Variants in SLC5A10 observed in about 807,000 individuals in gnomAD.
SLC5A10 encodes solute carrier family 5 member 10, also known as sodium/mannose cotransporter SLC5A10.
A neutral mutation model predicts 68.9 loss-of-function variants in SLC5A10; 55 were observed. The ratio of observed to expected loss-of-function variants is 0.80; its 90% CI spans 0.64 to 1.00. The LOEUF (loss-of-function observed/expected upper bound fraction) is 1.00. Among genes scored for constraint, SLC5A10 ranks in the 50% least tolerant of loss-of-function variants. The pLI, the probability that SLC5A10 is intolerant of heterozygous loss-of-function variation, is 0.00. For missense variants in SLC5A10, 732 were observed against 819.3 expected, an observed-to-expected ratio of 0.89 and a Z score of 1.30; for synonymous variants, 344 against 344.8, an observed-to-expected ratio of 1.00 and a Z score of 0.02.
chr17:18,999,349 G>A (rs967653074), intron 9 of SLC5A10, among the ~76,000 whole-genome samples: 1 of 152,146 alleles, frequency 6.6e-6, no homozygotes, highest in African/African-American at 2.4e-5. Context: ...AGGCTCTGGT[G>A]CTCCCATGCA....
In SLC5A10 at chr17:18,993,327, C is replaced by T. The variant is rs556597059; in HGVS notation, c.982+16338C>T. Among the ~76,000 whole-genome samples, 8 of 152,326 alleles carry T rather than the reference C, an allele frequency of 5.3e-5. No homozygotes were observed. In the East Asian group the frequency reaches 1.5e-3, roughly 29 times the overall value. ...CCCAACTCCAGTGCAGCCCCAGCCT[C>T]CCCTGTCGTCACTCTGGCCTGTCTG... On this transcript the variant is annotated intron_variant, in intron 9 of 14. Transcript: ENST00000395645.
At chr17:18,967,701 C>T (rs913247803) in intron 5 of SLC5A10, among the ~76,000 whole-genome samples, 1 of 152,240 alleles carries the variant, frequency 6.6e-6, no homozygotes, top group African/African-American at 2.4e-5. Flanking sequence ...CTTCCCTCTC[C>T]TGGTAACTCC....
intron 9 of SLC5A10, among the ~76,000 whole-genome samples, chr17:18,992,285 C>T (rs567406755): frequency 1.3e-5 from 2 of 152,154 alleles, no homozygotes; most frequent in Non-Finnish European, 2.9e-5. Flanking sequence ...GGACATCCGC[C>T]TCCATGTGAG....
intron 9 of SLC5A10, chr17:18,977,570 GGA>G (rs1447409636): frequency 6.2e-7 from 1 of 1,603,552 alleles, no homozygotes; most frequent in Non-Finnish European, 8.5e-7. Flanking sequence ...TGGTGTGCAG[GGA>G]CCCTGACCCA....
intron 5 of SLC5A10, among the ~76,000 whole-genome samples, chr17:18,964,364 G>T (rs1037197024): frequency 2.0e-5 from 3 of 152,128 alleles, no homozygotes; most frequent in African/African-American, 7.2e-5. Flanking sequence ...CCTGGGGCCC[G>T]AAAGTGCCTG....
At chr17:18,999,885 C>T (rs116045068) in intron 9 of SLC5A10, among the ~76,000 whole-genome samples, 246 of 152,354 alleles carry the variant, frequency 1.6e-3, no homozygotes, top group African/African-American at 5.6e-3. Context: ...TGTCCCTGCC[C>T]TGGGGCCTCA....
Position 19,017,209 on chromosome 17 carries a change from G to C in SLC5A10, c.1241+2010G>C. ...TCTCTGGGCCCCAGTTCTCTCAGCT[G>C]CCAGCTGGATAGAGCAGAAAGGGCC... On this transcript the variant is annotated intron_variant, in intron 11 of 14. Transcript: ENST00000395645. This position sits in a 1 kb window ranked among gnomAD's most constrained non-coding sequence, Gnocchi z 5.6. The C allele has an allele frequency of 7.4e-7, 1 of 1,351,662 alleles. No individual in the cohort carries two copies. The highest frequency in any genetic ancestry group is 1.0e-6 in the Non-Finnish European group (1 of 970,406). The allele number at this position is 1,351,662 out of a possible 1,614,324, so 83.7% of individuals were successfully genotyped here. A position where few individuals can be genotyped will look rare whatever the true frequency, so the allele number is the denominator to read the frequency against.
intron 9 of SLC5A10, chr17:18,988,516 A>G: frequency 6.5e-7 from 1 of 1,547,552 alleles, no homozygotes; most frequent in South Asian, 1.2e-5. Flanking sequence ...AGCCTCTCAC[A>G]GGTGCCCACT....
intron 1 of SLC5A10, 77 bp downstream of exon 1, chr17:18,952,393 G>A (rs1027021710): frequency 6.6e-7 from 1 of 1,509,690 alleles, no homozygotes; most frequent in African/African-American, 1.4e-5. Context: ...GGTCCAGCAT[G>A]TCCCTGTGGT....
At chr17:19,009,543 T>G (rs2043970511) in intron 9 of SLC5A10, among the ~76,000 whole-genome samples, 1 of 152,204 alleles carries the variant, frequency 6.6e-6, no homozygotes, top group Non-Finnish European at 1.5e-5. Flanking sequence ...TGTACTCAGG[T>G]CTGGGAGCCT....
At chr17:18,970,504 C>T (rs2042815346) in intron 7 of SLC5A10, 1 of 172,664 alleles carries the variant, frequency 5.8e-6, no homozygotes, top group South Asian at 1.4e-4. Context: ...CCATCCCTCT[C>T]TGGACCTGTC....
At chr17:18,952,451 TC>T in intron 1 of SLC5A10, 135 bp downstream of exon 1, 1 of 1,108,140 alleles carries the variant, frequency 9.0e-7, no homozygotes, top group Non-Finnish European at 1.3e-6. Flanking sequence ...GTGGTCCTCC[TC>T]CCAGCCTGGG....
intron 9 of SLC5A10, among the ~76,000 whole-genome samples, chr17:18,999,277 C>T (rs1440712714): frequency 6.8e-6 from 1 of 148,082 alleles, no homozygotes; most frequent in Non-Finnish European, 1.5e-5. Context: ...GACTTTGTCT[C>T]AAGAAGAAAA....
rs544666288 is a variant in SLC5A10 at position 19,000,086 on chromosome 17, G to A, written c.983-13324G>A. ...AGGCCGGGGCTCGCCCCTCCCAGGC[G>A]TGATCTTACAAGCCCGTCCTCTGGT... On this transcript the variant is annotated intron_variant, in intron 9 of 14. Coordinates refer to ENST00000395645, the MANE Select transcript of SLC5A10 (RefSeq NM_001042450.4). The surrounding 1 kb of genome is among the most constrained non-coding windows in gnomAD (Gnocchi z 5.2). Among the ~76,000 whole-genome samples the A allele has an allele frequency of 1.3e-5, 2 of 152,346 alleles. No homozygotes were observed. The highest frequency in any genetic ancestry group is 6.5e-5 in the Admixed American group (1 of 15,306).
intron 4 of SLC5A10, among the ~76,000 whole-genome samples, chr17:18,960,143 C>T (rs915084755): frequency 2.0e-5 from 3 of 152,234 alleles, no homozygotes; most frequent in African/African-American, 4.8e-5. Context: ...CAGTCAACTC[C>T]ACTTCCTGGA....
chr17:18,992,147 C>T (rs560229684), intron 9 of SLC5A10, among the ~76,000 whole-genome samples: 67 of 152,300 alleles, frequency 4.4e-4, no homozygotes, highest in African/African-American at 1.5e-3. Flanking sequence ...AGCCCTCCAG[C>T]GCCCCGCCCG....
rs928281989 is a variant in SLC5A10, at chr17:19,018,637, G to A, written c.1242-786G>A. On this transcript the variant is annotated intron_variant, in intron 11 of 14. Transcript: ENST00000395645. This position sits in a 1 kb window ranked among gnomAD's most constrained non-coding sequence, Gnocchi z 4.2. ...TTGTAGAGGGGCTCTTGGCCTAAGG[G>A]AGAGGCAGGCAGGAGCTGACACGCA... 4 of 152,582 alleles carry A rather than the reference G, an allele frequency of 2.6e-5. No individual in the cohort carries two copies. The highest frequency in any genetic ancestry group is 4.8e-5 in the African/African-American group (2 of 41,480). 9.5% of individuals were successfully genotyped at this position (152,582 alleles called of 1,614,324 possible). A position where few individuals can be genotyped will look rare whatever the true frequency, so the allele number is the denominator to read the frequency against.
At chr17:19,006,313 C>T (rs917516762) in intron 9 of SLC5A10, among the ~76,000 whole-genome samples, 13 of 152,112 alleles carry the variant, frequency 8.5e-5, no homozygotes, top group African/African-American at 3.1e-4. Flanking sequence ...CTCAATGCAG[C>T]CTTGAACTCC....
intron 13 of SLC5A10, 44 bp from the exon 14 acceptor site, chr17:19,020,111 T>TCCCCTCCCCCCCC: frequency 3.6e-6 from 1 of 276,316 alleles, no homozygotes; most frequent in Non-Finnish European, 6.2e-6. Context: ...ACCCCCACCC[T>TCCCCTCCCCCCCC]GCCATCCCCC....
Sources: allele counts gnomAD v4.1 joint callset (sites outside exome capture counted in the v4.1 genomes callset), GRCh38; gene constraint gnomAD v4.1.1; non-coding constraint Gnocchi (gnomAD v3.1); transcripts MANE v1.5; gene names NCBI Gene and HGNC (gene_info 2026-07-23, HGNC 2026-07-21).